The following PAWR variants were observed in gnomAD, a reference collection of about 807,000 sequenced individuals.
PAWR encodes the protein PRKC apoptosis WT1 regulator protein.
Under a neutral mutation model 32.0 loss-of-function variants are expected in PAWR, and 23 were observed. The observed-to-expected ratio is 0.72, with a 90% confidence interval of 0.52 to 1.02. PAWR has a LOEUF of 1.02. PAWR is among the 50% of genes least tolerant of loss of function. PAWR has a pLI of 0.00. For missense variants in PAWR, 457 were observed against 437.7 expected (o/e 1.04, Z -0.39); for synonymous variants, 226 against 187.1 (o/e 1.21, Z -1.70).
intron 1 of PAWR, 67 bp from the exon 2 acceptor site, chr12:79,690,458 C>T (rs1329589728): frequency 2.9e-6 from 3 of 1,046,524 alleles, no homozygotes; most frequent in African/African-American, 1.7e-5. Flanking sequence ...CAAGGGTCTG[C>T]CCCCGGGCTG....
At position 79,659,141 on chromosome 12, in the gene PAWR, C is replaced by T. The variant is rs191330550; in HGVS notation, c.516+30588G>A. Among the ~76,000 whole-genome samples the T allele has an allele frequency of 1.4e-4, 22 of 151,912 alleles. No individual in the cohort carries two copies. The East Asian group carries it at 3.3e-3, about 23-fold the overall frequency. ...TGAAACCCCATCTCTACTAAAAGTA[C>T]AAAAAACGAGCCAGGCGTGGTGGCG... On this transcript the variant is annotated intron_variant, in intron 2 of 6. Coordinates refer to ENST00000328827, the MANE Select transcript of PAWR (RefSeq NM_002583.4).
intron 2 of PAWR, among the ~76,000 whole-genome samples, chr12:79,632,361 A>ATATTTTTTTT (rs1566011212): frequency 9.7e-5 from 2 of 20,606 alleles, no homozygotes; most frequent in African/African-American, 3.0e-4. Flanking sequence ...ATATATATAT[A>ATATTTTTTTT]TTTTTTTTTT....
At chr12:79,626,914 T>A (rs1230642871) in intron 2 of PAWR, among the ~76,000 whole-genome samples, 1 of 152,196 alleles carries the variant, frequency 6.6e-6, no homozygotes, top group Non-Finnish European at 1.5e-5. Flanking sequence ...ACAAAGGACA[T>A]GAACTCATCA....
chr12:79,647,108 G>A (rs991882653), intron 2 of PAWR, among the ~76,000 whole-genome samples: 15 of 150,318 alleles, frequency 1.0e-4, no homozygotes, highest in Non-Finnish European at 2.1e-4. Flanking sequence ...CCAGGAGGCA[G>A]AGGTTGCAGT....
At chr12:79,685,843 G>A (rs116845258) in intron 2 of PAWR, among the ~76,000 whole-genome samples, 1 of 152,200 alleles carries the variant, frequency 6.6e-6, no homozygotes, top group Admixed American at 6.5e-5. Context: ...ATAATGAAAA[G>A]TAGGTTAATT....
intron 2 of PAWR, among the ~76,000 whole-genome samples, chr12:79,675,474 G>A (rs1878119041): frequency 6.6e-6 from 1 of 152,150 alleles, no homozygotes. Context: ...GCAAAGATAA[G>A]TAATCAACCC....
intron 2 of PAWR, among the ~76,000 whole-genome samples, chr12:79,648,897 G>C (rs941257187): frequency 1.3e-4 from 20 of 151,946 alleles, no homozygotes; most frequent in African/African-American, 3.9e-4. Flanking sequence ...TAGTAATTTT[G>C]TGAAACTGTA....
At chr12:79,688,467 T>TAAAAAAA (rs11333665) in intron 2 of PAWR, 1 of 102,392 alleles carries the variant, frequency 9.8e-6, no homozygotes. Flanking sequence ...TATTTTTAAC[T>TAAAAAAA]AAAAAAAAAA....
intron 6 of PAWR, among the ~76,000 whole-genome samples, chr12:79,594,021 G>C (rs1873655746): frequency 6.6e-6 from 1 of 151,978 alleles, no homozygotes; most frequent in Non-Finnish European, 1.5e-5. Context: ...GATATTTCTT[G>C]AGGCAACTCT....
chr12:79,687,767 C>T (rs1878753244), intron 2 of PAWR, among the ~76,000 whole-genome samples: 1 of 152,012 alleles, frequency 6.6e-6, no homozygotes, highest in Admixed American at 6.6e-5. Context: ...TAAAGTTTTG[C>T]ATCATATATT....
At chr12:79,636,051 A>G (rs1183427570) in intron 2 of PAWR, among the ~76,000 whole-genome samples, 3 of 152,152 alleles carry the variant, frequency 2.0e-5, no homozygotes, top group African/African-American at 7.2e-5. Context: ...GAGATAAAAC[A>G]TGCTGCTTTT....
chr12:79,609,086 G>A (rs1211343180), intron 4 of PAWR, among the ~76,000 whole-genome samples: 1 of 152,026 alleles, frequency 6.6e-6, no homozygotes, highest in Non-Finnish European at 1.5e-5. Context: ...ACAAAAGGAG[G>A]GGGGCAATTA....
chr12:79,642,817 C>T (rs945477582), intron 2 of PAWR, among the ~76,000 whole-genome samples: 2 of 152,080 alleles, frequency 1.3e-5, no homozygotes, highest in Non-Finnish European at 2.9e-5. Context: ...AAAAATAAAA[C>T]ACTTGGAACC....
intron 2 of PAWR, among the ~76,000 whole-genome samples, chr12:79,657,437 T>C (rs1387832019): frequency 6.6e-6 from 1 of 151,622 alleles, no homozygotes; most frequent in Non-Finnish European, 1.5e-5. Flanking sequence ...AAAAAAACTA[T>C]CAGGATACAT....
intron 2 of PAWR, among the ~76,000 whole-genome samples, chr12:79,669,116 G>A (rs1232191076): frequency 6.6e-6 from 1 of 152,072 alleles, no homozygotes; most frequent in Admixed American, 6.5e-5. Flanking sequence ...CTTCAGTCTT[G>A]GTGATATTTA....
rs140708131 is a variant in PAWR, at chr12:79,612,111, G to C, written c.683+1464C>G. 3.2e-3 allele frequency among the ~76,000 whole-genome samples: 491 copies of C among 152,134 alleles called. 4 individuals carry two copies. Among genetic ancestry groups the C allele is most frequent in the African/African-American group, 0.011 (440 of 41,528 alleles). Reference sequence around the variant, plus strand: ...TGGTATGGGAACAGGCCACATCAAGGCTATTTCATAATTATTTCTGGAAAG... The same window carrying C: ...TGGTATGGGAACAGGCCACATCAAGCCTATTTCATAATTATTTCTGGAAAG... On this transcript the variant is annotated intron_variant, in intron 4 of 6. Transcript: ENST00000328827.
At chr12:79,636,823 C>A (rs545955286) in intron 2 of PAWR, among the ~76,000 whole-genome samples, 10 of 152,178 alleles carry the variant, frequency 6.6e-5, no homozygotes, top group Non-Finnish European at 1.0e-4. Context: ...AATTTTATCT[C>A]ATTTTCTTCT....
intron 2 of PAWR, among the ~76,000 whole-genome samples, chr12:79,647,268 G>A (rs138844394): frequency 6.6e-6 from 1 of 151,794 alleles, no homozygotes; most frequent in African/African-American, 2.4e-5. Context: ...TACTAAATTT[G>A]GTGGTAAAGT....
intron 2 of PAWR, among the ~76,000 whole-genome samples, chr12:79,658,835 A>G (rs1396031550): frequency 6.6e-6 from 1 of 151,886 alleles, no homozygotes; most frequent in Non-Finnish European, 1.5e-5. Flanking sequence ...TAATTTTTGT[A>G]TTTTTAGTAG....
Sources: allele counts gnomAD v4.1 joint callset (sites outside exome capture counted in the v4.1 genomes callset), GRCh38; gene constraint gnomAD v4.1.1; transcripts MANE v1.5; gene names NCBI Gene and HGNC (gene_info 2026-07-23, HGNC 2026-07-21).